Variants in FAN1 observed in about 807,000 individuals in gnomAD.
FAN1 encodes the protein fanconi-associated nuclease 1.
In FAN1, 91 loss-of-function variants were observed where a neutral mutation model predicts 104.9. The ratio of observed to expected loss-of-function variants is 0.87; its 90% CI spans 0.73 to 1.03. The LOEUF is 1.03. Ranked by LOEUF, FAN1 falls within the 50% of genes least tolerant of loss-of-function variation. FAN1 has a pLI of 0.00. For missense variants in FAN1, 1,263 were observed against 1,239.9 expected, an observed-to-expected ratio of 1.02 and a Z score of -0.28; for synonymous variants, 478 against 457.6, an observed-to-expected ratio of 1.04 and a Z score of -0.57.
intron 13 of FAN1, among the ~76,000 whole-genome samples, chr15:30,933,753 CTT>C (rs545200453): frequency 7.3e-6 from 1 of 136,146 alleles, no homozygotes; most frequent in Admixed American, 7.3e-5. Context: ...TATTTCTTTT[CTT>C]TTTTTTTTTG....
In FAN1 at chr15:30,929,259, T is replaced by G. The variant is rs1174984768; in HGVS notation, c.2649T>G (p.Leu883=). ...TCTTCACAAGCAGACGCCCAGCCCTTGAGGCCAGGCTGCAGCTGATTCATG... is the reference window on the plus strand; with the variant it reads ...TCTTCACAAGCAGACGCCCAGCCCTGGAGGCCAGGCTGCAGCTGATTCATG... The part of the protein sequence containing the change: ...DSFFTSRRPA[L]EARLQLIHDA... The change falls in exon 12 of 15, where the codon CTT becomes CTG. Residue 883 remains leucine, a synonymous_variant. Transcript: ENST00000362065. 2.5e-6 allele frequency: 4 copies of G among 1,613,474 alleles called. No homozygotes were observed. The highest frequency in any genetic ancestry group is 3.4e-6 in the Non-Finnish European group (4 of 1,179,856).
At chr15:30,938,783 C>G (rs974284824) in intron 14 of FAN1, among the ~76,000 whole-genome samples, 1 of 152,096 alleles carries the variant, frequency 6.6e-6, no homozygotes, top group African/African-American at 2.4e-5. Context: ...TTAGCCACTT[C>G]CGAATTGCTG....
rs2062451652 is a variant in FAN1 at position 30,925,949 on chromosome 15, C to A, written c.2488+10C>A. On this transcript the variant is annotated intron_variant, in intron 10 of 14. Transcript: ENST00000362065. ...AGCGGTTTTGACCAGGGTAACTGAG[C>A]AGGCTTTCTCTTGTGGCACCCAGCC... The A allele has an allele frequency of 6.2e-7, 1 of 1,613,642 alleles. No homozygotes were observed. The highest frequency in any genetic ancestry group is 8.5e-7 in the Non-Finnish European group (1 of 1,179,774).
intron 6 of FAN1, among the ~76,000 whole-genome samples, chr15:30,919,377 T>TA (rs2062264832): frequency 3.4e-5 from 1 of 28,994 alleles, no homozygotes; most frequent in African/African-American, 1.7e-4. Context: ...AAACTCCGTC[T>TA]CAAAAAAAAA....
At position 30,941,347 on chromosome 15, in the gene FAN1, GC is replaced by G. The variant is rs1239235308; in HGVS notation, c.*4-218del. On this transcript the variant is annotated intron_variant, in intron 14 of 14. Coordinates refer to ENST00000362065, the MANE Select transcript of FAN1 (RefSeq NM_014967.5). ...ATTCAACATGTTTTTAAATATTAGT[GC>G]AAATTCCAACTATTATTCTTACATA... 2.0e-6 allele frequency: 3 copies of G among 1,534,460 alleles called. No homozygotes were observed. In the African/African-American group the frequency reaches 4.1e-5, roughly 21 times the overall value.
At chr15:30,917,441 G>A (rs1034022981) in intron 5 of FAN1, among the ~76,000 whole-genome samples, 5 of 152,116 alleles carry the variant, frequency 3.3e-5, no homozygotes, top group Admixed American at 2.0e-4. Flanking sequence ...TGAGATCTAA[G>A]AATTTGTGAG....
Position 30,910,622 on chromosome 15 carries a change from T to C in FAN1, c.1384T>C (p.Leu462=). ...NAGFLQTESE[L]QELSEVLELL... is the part of the protein sequence containing the mutation. ...TTTTTTAACCATTTCAGAATCTGAG[T>C]TGCAAGAACTCTCTGAAGTGCTTGA... Residue 462 remains leucine, a synonymous_variant, in exon 4 of 15, where the codon TTG becomes CTG. Transcript: ENST00000362065. The C allele has an allele frequency of 6.4e-7, 1 of 1,553,222 alleles. No individual in the cohort carries two copies. Among genetic ancestry groups the C allele is most frequent in the Non-Finnish European group, 8.7e-7 (1 of 1,150,214 alleles).
At position 30,922,268 on chromosome 15, in the gene FAN1, CAG is replaced by C. The variant is rs777432497; in HGVS notation, c.2090_2091del (p.Arg697AsnfsTer5). 6 of 1,613,322 alleles carry C rather than the reference CAG, an allele frequency of 3.7e-6. No homozygotes were observed. The African/African-American group carries it at 4.0e-5, about 11-fold the overall frequency. On this transcript the variant is annotated frameshift_variant, in exon 8 of 15. Coordinates refer to ENST00000362065, the MANE Select transcript of FAN1 (RefSeq NM_014967.5). LOFTEE classifies it high-confidence loss of function. The stretch of plus-strand genomic sequence containing the variant: ...CAGAGAACTTGAAAGCCTTTTGTCT[CAG>C]AGAATTTATTGTCCTGACAGCAGAG... The part of the protein sequence containing the change: ...AVRELESLLS[Q>X]RIYCPDSRGR...
intron 14 of FAN1, 86 bp from the exon 15 acceptor site, chr15:30,941,480 T>C (rs1354683683): frequency 6.2e-7 from 1 of 1,604,712 alleles, no homozygotes; most frequent in Non-Finnish European, 8.5e-7. Flanking sequence ...TTAGTCTTCA[T>C]TTGCTAATGT....
rs1300304091 is a variant in FAN1, at chr15:30,938,675, CCTT to C, written c.*3+1420_*3+1422del. On this transcript the variant is annotated intron_variant, in intron 14 of 14. Coordinates refer to ENST00000362065, the MANE Select transcript of FAN1 (RefSeq NM_014967.5). ...AGTCTGTCTCTTGACTTCTTTGAAG[CCTT>C]CTTGGGGGAATATTACTCCCCAGTT... Among the ~76,000 whole-genome samples the C allele has an allele frequency of 2.6e-5, 4 of 152,202 alleles. No homozygotes were observed. In the South Asian group the frequency reaches 6.2e-4, roughly 24 times the overall value.
intron 5 of FAN1, among the ~76,000 whole-genome samples, chr15:30,915,056 G>GTGTTGATGGA (rs1248060239): frequency 4.6e-5 from 7 of 152,196 alleles, no homozygotes; most frequent in African/African-American, 1.7e-4. Context: ...GTCAACCTAA[G>GTGTTGATGGA]TGTCCATCAG....
At chr15:30,924,106 G>A (rs1246158291) in intron 8 of FAN1, among the ~76,000 whole-genome samples, 1 of 152,156 alleles carries the variant, frequency 6.6e-6, no homozygotes, top group Non-Finnish European at 1.5e-5. Flanking sequence ...GATATTTGTG[G>A]TTTTATGTCT....
At chr15:30,921,283 G>A (rs1434061079) in intron 7 of FAN1, among the ~76,000 whole-genome samples, 5 of 152,160 alleles carry the variant, frequency 3.3e-5, no homozygotes, top group African/African-American at 9.7e-5. Flanking sequence ...CTGAGCCTGA[G>A]TCTCTTTCAG....
At chr15:30,915,623 T>G (rs954611297) in intron 5 of FAN1, among the ~76,000 whole-genome samples, 1 of 152,072 alleles carries the variant, frequency 6.6e-6, no homozygotes, top group African/African-American at 2.4e-5. Flanking sequence ...TCAAAAAAGT[T>G]TGAGGTGCTG....
intron 14 of FAN1, chr15:30,940,297 G>C: frequency 2.0e-6 from 2 of 985,406 alleles, no homozygotes; most frequent in Non-Finnish European, 2.4e-6. Context: ...GAGAGATTCA[G>C]ATCAAGCAAA....
chr15:30,906,691 C>G (rs1293845349), intron 2 of FAN1, among the ~76,000 whole-genome samples: 1 of 152,172 alleles, frequency 6.6e-6, no homozygotes, highest in Admixed American at 6.5e-5. Context: ...TATTGATGTT[C>G]AAGGGAAGGA....
At position 30,913,838 on chromosome 15, in the gene FAN1, CT is replaced by C. The variant is rs775994589; in HGVS notation, c.1578-19del. ...ATGCTTAAAAAGCTAAAAGTTATTT[CT>C]ACATTGTACATTTTTCAGAGCCAAA... On this transcript the variant is annotated intron_variant, in intron 4 of 14. Transcript: ENST00000362065. 2 of 1,505,162 alleles carry C rather than the reference CT, an allele frequency of 1.3e-6. No individual in the cohort carries two copies. The highest frequency in any genetic ancestry group is 2.4e-5 in the South Asian group (2 of 84,584). The allele number at this position is 1,505,162 out of a possible 1,614,324, so 93.2% of individuals were successfully genotyped here. A position where few individuals can be genotyped will look rare whatever the true frequency, so the allele number is the denominator to read the frequency against.
intron 10 of FAN1, chr15:30,928,246 T>C: frequency 9.0e-7 from 1 of 1,115,584 alleles, no homozygotes; most frequent in African/African-American, 1.7e-5. Flanking sequence ...TATTTTTCTT[T>C]TAAACATGTT....
At chr15:30,935,344 TG>T (rs1448026278) in intron 13 of FAN1, among the ~76,000 whole-genome samples, 9 of 152,014 alleles carry the variant, frequency 5.9e-5, no homozygotes, top group African/African-American at 1.9e-4. Flanking sequence ...AAAATTTCCA[TG>T]TCTAGAAGTT....
Sources: allele counts gnomAD v4.1 joint callset (sites outside exome capture counted in the v4.1 genomes callset), GRCh38; gene constraint gnomAD v4.1.1; transcripts MANE v1.5; gene names NCBI Gene and HGNC (gene_info 2026-07-23, HGNC 2026-07-21).